DNAH11: variants seen among roughly 807,000 people sequenced by gnomAD.
DNAH11 encodes the protein dynein axonemal heavy chain 11.
In DNAH11, 442 loss-of-function variants were observed where a neutral mutation model predicts 526.0. The ratio of observed to expected loss-of-function variants is 0.84; its 90% CI spans 0.78 to 0.91. The LOEUF is 0.91. Ranked by LOEUF, DNAH11 falls within the 40% of genes least tolerant of loss-of-function variation. The pLI, the probability that DNAH11 is intolerant of heterozygous loss-of-function variation, is 0.00. For missense variants in DNAH11, 6,989 were observed against 5,448.7 expected (o/e 1.28, Z -8.90); for synonymous variants, 2,461 against 1,935.9 (o/e 1.27, Z -7.12).
At chr7:21,782,747 A>G (rs939824951) in intron 57 of DNAH11, among the ~76,000 whole-genome samples, 1 of 152,062 alleles carries the variant, frequency 6.6e-6, no homozygotes, top group Non-Finnish European at 1.5e-5. Flanking sequence ...CCCCTGTACT[A>G]AAAATATAAA....
At chr7:21,875,011 C>A (rs1454076209) in intron 74 of DNAH11, among the ~76,000 whole-genome samples, 1 of 152,006 alleles carries the variant, frequency 6.6e-6, no homozygotes, top group Non-Finnish European at 1.5e-5. Context: ...ATACGTAAAC[C>A]AACATTATGA....
chr7:21,880,845 C>A lies in DNAH11; in HGVS notation c.12339C>A (p.Leu4113=). Reference sequence around the variant, plus strand: ...GCTATCCTTTTAATCCTGGAGACCTCACCATTTGTGCCAGTGTCCTCTACA... The same window carrying A: ...GCTATCCTTTTAATCCTGGAGACCTAACCATTTGTGCCAGTGTCCTCTACA... ...SRSYPFNPGD[L]TICASVLYNY... is the part of the protein sequence containing the mutation. The change falls in exon 75 of 82, where the codon CTC becomes CTA. Residue 4113 remains leucine (L), a synonymous_variant. Transcript: ENST00000409508. 1.2e-6 allele frequency: 2 copies of A among 1,613,642 alleles called. No homozygotes were observed. Among genetic ancestry groups the A allele is most frequent in the Non-Finnish European group, 1.7e-6 (2 of 1,179,816 alleles).
intron 44 of DNAH11, among the ~76,000 whole-genome samples, chr7:21,723,399 C>G (rs116281295): frequency 0.013 from 2,025 of 152,310 alleles, 45 homozygotes; most frequent in African/African-American, 0.047. Context: ...GACCTATGTT[C>G]TTCAGCCATT....
At chr7:21,578,069 A>C (rs2128439587) in intron 8 of DNAH11, among the ~76,000 whole-genome samples, 1 of 152,280 alleles carries the variant, frequency 6.6e-6, no homozygotes, top group South Asian at 2.1e-4. Context: ...AAGGGGAAGC[A>C]AGGACCTTCT....
chr7:21,568,249 C>G lies in DNAH11; in HGVS notation c.1195-1820C>G, dbSNP rs180818148. Among the ~76,000 whole-genome samples, 272 of 152,226 alleles carry G rather than the reference C, an allele frequency of 1.8e-3. 6 individuals are homozygous for G. Among genetic ancestry groups the G allele is most frequent in the Admixed American group, 0.017 (259 of 15,288 alleles). ...GAAGTGGGACTAGTTCATCCTAAAT[C>G]TAGTGGCTTTTAGCTTGTTTGTGCT... On this transcript the variant is annotated intron_variant, in intron 6 of 81. Coordinates refer to ENST00000409508, the MANE Select transcript of DNAH11 (RefSeq NM_001277115.2).
chr7:21,847,537 G>A (rs1371185698), intron 66 of DNAH11, among the ~76,000 whole-genome samples: 1 of 152,170 alleles, frequency 6.6e-6, no homozygotes, highest in Non-Finnish European at 1.5e-5. Context: ...GTTGTGGTCT[G>A]GAACATACTT....
chr7:21,595,119 T>A (rs1278208701), intron 14 of DNAH11, among the ~76,000 whole-genome samples: 2 of 152,228 alleles, frequency 1.3e-5, no homozygotes, highest in South Asian at 4.1e-4. Flanking sequence ...TATCTCATAG[T>A]TCTGGAGGAC....
chr7:21,617,717 A>G lies in DNAH11; in HGVS notation c.4194A>G (p.Thr1398=), dbSNP rs780979743. ...TGACAGCCTCCCTGAGGGCCATCAC[A>G]GAGTTACAGAGCCCTGCCCTCAGGG... ...KDMTASLRAI[T]ELQSPALRDR... Residue 1398 remains threonine (T), a synonymous_variant, in exon 23 of 82, where the codon ACA becomes ACG. Coordinates refer to ENST00000409508, the MANE Select transcript of DNAH11 (RefSeq NM_001277115.2). 3 of 1,613,532 alleles carry G rather than the reference A, an allele frequency of 1.9e-6. No individual in the cohort carries two copies. In the Admixed American group the frequency reaches 5.0e-5, roughly 27 times the overall value.
rs776262883 is a variant in DNAH11 at position 21,591,351 on chromosome 7, A to G, written c.2441A>G (p.Glu814Gly). Reference protein sequence around the residue: ...TWQDDCWGYIERVRAATSELE... With the variant: ...TWQDDCWGYIGRVRAATSELE... ...CAGGATGACTGCTGGGGCTACATCG[A>G]GAGGGTGAGGGCAGCCACGTCCGAG... The change falls in exon 14 of 82, where the codon GAG (glutamate) becomes GGG (glycine). Residue 814 changes from glutamate to glycine, a missense_variant. By Grantham distance (98) the Glu-to-Gly change is moderately conservative (BLOSUM62 -2). Transcript: ENST00000409508. The G allele has an allele frequency of 6.2e-6, 10 of 1,613,626 alleles. No homozygotes were observed. In the Admixed American group the frequency reaches 1.0e-4, roughly 16 times the overall value.
intron 66 of DNAH11, chr7:21,851,101 T>C (rs1782614790): frequency 6.5e-6 from 1 of 154,882 alleles, no homozygotes; most frequent in Admixed American, 6.3e-5. Flanking sequence ...CCAAATCTCA[T>C]CTTGAATTGT....
chr7:21,633,477 A>G (rs1050218790), intron 25 of DNAH11, among the ~76,000 whole-genome samples: 1 of 152,192 alleles, frequency 6.6e-6, no homozygotes, highest in African/African-American at 2.4e-5. Context: ...TGATTTATAT[A>G]TTTAGGTTCT....
intron 63 of DNAH11, among the ~76,000 whole-genome samples, chr7:21,808,370 A>AT (rs1381737647): frequency 2.6e-5 from 4 of 152,216 alleles, no homozygotes; most frequent in South Asian, 2.1e-4. Flanking sequence ...TGAAACATTT[A>AT]TTTTTTCTCT....
chr7:21,820,139 A>G (rs1039112526), intron 65 of DNAH11, among the ~76,000 whole-genome samples: 2 of 152,134 alleles, frequency 1.3e-5, no homozygotes, highest in Admixed American at 6.6e-5. Flanking sequence ...CCCAGAGACT[A>G]TGAGTGCCAG....
chr7:21,622,400 T>A (rs1045443120), intron 25 of DNAH11, among the ~76,000 whole-genome samples: 2 of 152,168 alleles, frequency 1.3e-5, no homozygotes, highest in African/African-American at 4.8e-5. Flanking sequence ...CTGCCCAAAG[T>A]AATTTATAGA....
intron 36 of DNAH11, among the ~76,000 whole-genome samples, chr7:21,700,529 A>G (rs1238518995): frequency 1.3e-5 from 2 of 152,158 alleles, no homozygotes; most frequent in Admixed American, 6.5e-5. Context: ...TGTTACTGCA[A>G]TAACTTAGCC....
At chr7:21,639,869 T>G (rs779531972) in intron 28 of DNAH11, among the ~76,000 whole-genome samples, 9 of 106,562 alleles carry the variant, frequency 8.4e-5, no homozygotes, top group Admixed American at 1.7e-4. Flanking sequence ...TTTCTCCATG[T>G]TTTTTTTTTC....
rs1414852507 is a variant in DNAH11, at chr7:21,571,786, T to C, written c.1426-20T>C. On this transcript the variant is annotated intron_variant, in intron 7 of 81. Transcript: ENST00000409508. ...GCTGCTCAATGTAGTGGAAAGGTCTTTACTGTGTTTTTTACAAAGGATATA... is the reference window on the plus strand; with the variant it reads ...GCTGCTCAATGTAGTGGAAAGGTCTCTACTGTGTTTTTTACAAAGGATATA... 6.3e-7 allele frequency: 1 copy of C among 1,594,914 alleles called. No individual in the cohort carries two copies. Among genetic ancestry groups the C allele is most frequent in the Admixed American group, 1.8e-5 (1 of 56,708 alleles).
chr7:21,662,825 T>G (rs563194667), intron 30 of DNAH11, among the ~76,000 whole-genome samples: 29 of 152,240 alleles, frequency 1.9e-4, no homozygotes, highest in African/African-American at 6.5e-4. Context: ...TCATTTAAAA[T>G]TTTTTTAAAT....
At position 21,891,043 on chromosome 7, in the gene DNAH11, G is replaced by A. The variant is rs539507938; in HGVS notation, c.12508-1382G>A. ...GTAACCTGGATTGCAGGTTTAAGAA[G>A]GAAAGAGAAAACCACTGTTACACAC... On this transcript the variant is annotated intron_variant, in intron 76 of 81. Coordinates refer to ENST00000409508, the MANE Select transcript of DNAH11 (RefSeq NM_001277115.2). Among the ~76,000 whole-genome samples, 555 of 151,660 alleles carry A rather than the reference G, an allele frequency of 3.7e-3. 8 individuals carry two copies. Among genetic ancestry groups the A allele is most frequent in the African/African-American group, 0.012 (517 of 41,464 alleles).
Sources: allele counts gnomAD v4.1 joint callset (sites outside exome capture counted in the v4.1 genomes callset), GRCh38; gene constraint gnomAD v4.1.1; transcripts MANE v1.5; gene names NCBI Gene and HGNC (gene_info 2026-07-23, HGNC 2026-07-21).